Variants in SLC4A7 observed in about 807,000 individuals in gnomAD.
The protein encoded by SLC4A7 is sodium bicarbonate cotransporter 3.
A neutral mutation model predicts 137.6 loss-of-function variants in SLC4A7; 51 were observed. The ratio of observed to expected loss-of-function variants is 0.37; its 90% CI spans 0.30 to 0.47. The LOEUF is 0.47. Ranked by LOEUF, SLC4A7 falls within the 20% of genes least tolerant of loss-of-function variation. The pLI, the probability that SLC4A7 is intolerant of heterozygous loss-of-function variation, is 1.00. For missense variants in SLC4A7, 1,247 were observed against 1,525.4 expected, an observed-to-expected ratio of 0.82 and a Z score of 3.04; for synonymous variants, 542 against 518.6, an observed-to-expected ratio of 1.05 and a Z score of -0.61.
chr3:27,415,446 G>T (rs1320230878), intron 11 of SLC4A7, among the ~76,000 whole-genome samples: 9 of 152,216 alleles, frequency 5.9e-5, no homozygotes, highest in Non-Finnish European at 1.3e-4. Context: ...GCACAAAACA[G>T]TTAGCTAACC....
chr3:27,483,975 C>A, intron 1 of SLC4A7, 92 bp downstream of exon 1: 1 of 1,038,538 alleles, frequency 9.6e-7, no homozygotes. Context: ...ACGAGGTGGC[C>A]GAGCCGCGAC....
chr3:27,441,056 A>G (rs182763844), intron 3 of SLC4A7, among the ~76,000 whole-genome samples: 70 of 152,268 alleles, frequency 4.6e-4, no homozygotes, highest in African/African-American at 1.6e-3. Context: ...AAAAAAATAT[A>G]TAACAAAAAA....
intron 11 of SLC4A7, among the ~76,000 whole-genome samples, chr3:27,414,393 T>C (rs1420624318): frequency 6.6e-6 from 1 of 152,154 alleles, no homozygotes; most frequent in Non-Finnish European, 1.5e-5. Context: ...CTAATAAGCC[T>C]ACTGTTGACT....
At chr3:27,452,570 A>C (rs1330596129) in intron 1 of SLC4A7, 72 bp from the exon 2 acceptor site, 1 of 878,926 alleles carries the variant, frequency 1.1e-6, no homozygotes, top group Non-Finnish European at 1.7e-6. Flanking sequence ...CATCCTTTGA[A>C]ATGGCAACAA....
chr3:27,414,046 G>C (rs1471286171), intron 11 of SLC4A7, among the ~76,000 whole-genome samples: 1 of 152,098 alleles, frequency 6.6e-6, no homozygotes, highest in South Asian at 2.1e-4. Context: ...TTGGGAGACC[G>C]AGGCAGGTGG....
intron 23 of SLC4A7, among the ~76,000 whole-genome samples, 170 bp from the exon 24 acceptor site, chr3:27,383,420 AAAC>A (rs1350060900): frequency 7.9e-5 from 12 of 152,376 alleles, no homozygotes; most frequent in Middle Eastern, 3.4e-3. Context: ...CATAAAATAA[AAAC>A]AACCACTTGT....
chr3:27,437,959 G>C (rs1479258577), intron 3 of SLC4A7, among the ~76,000 whole-genome samples: 1 of 152,220 alleles, frequency 6.6e-6, no homozygotes, highest in Non-Finnish European at 1.5e-5. Context: ...CACTTTGAGA[G>C]GCAGAGGCAA....
chr3:27,389,455 G>A (rs1448132958), intron 22 of SLC4A7, among the ~76,000 whole-genome samples: 1 of 152,012 alleles, frequency 6.6e-6, no homozygotes, highest in Non-Finnish European at 1.5e-5. Flanking sequence ...ATTTACAGAA[G>A]AATGTACATT....
At chr3:27,397,842 TGTTCTTTCTAAA>T (rs1405389050) in intron 17 of SLC4A7, 45 bp from the exon 18 acceptor site, 5 of 1,093,392 alleles carry the variant, frequency 4.6e-6, no homozygotes, top group Admixed American at 2.2e-5. Context: ...AAATACTATG[TGTTCTTTCTAAA>T]TAATTCACAT....
chr3:27,384,236 T>C (rs768431186), intron 23 of SLC4A7, among the ~76,000 whole-genome samples: 4 of 152,076 alleles, frequency 2.6e-5, no homozygotes, highest in Non-Finnish European at 4.4e-5. Context: ...ACAAACTCAG[T>C]AGGATCATGA....
intron 12 of SLC4A7, 72 bp downstream of exon 12, chr3:27,411,570 G>T: frequency 1.2e-6 from 1 of 801,506 alleles, no homozygotes; most frequent in South Asian, 3.9e-5. Flanking sequence ...CAAACACTTG[G>T]AAAAAATATA....
At chr3:27,415,390 A>C (rs2054285451) in intron 11 of SLC4A7, among the ~76,000 whole-genome samples, 1 of 152,216 alleles carries the variant, frequency 6.6e-6, no homozygotes, top group African/African-American at 2.4e-5. Flanking sequence ...CAGCATTAGC[A>C]GCTTTATAGA....
chr3:27,417,275 G>GA (rs1421411367), intron 11 of SLC4A7, among the ~76,000 whole-genome samples: 10 of 151,998 alleles, frequency 6.6e-5, no homozygotes, highest in African/African-American at 2.4e-4. Context: ...CAGGAACTTA[G>GA]AAAAAAGATG....
chr3:27,438,963 T>C (rs768183880), intron 3 of SLC4A7, among the ~76,000 whole-genome samples: 5 of 152,186 alleles, frequency 3.3e-5, no homozygotes, highest in Admixed American at 2.6e-4. Flanking sequence ...TTGTGTAGTA[T>C]AGGAACCCGA....
chr3:27,420,193 A>G (rs1447953826), intron 10 of SLC4A7, among the ~76,000 whole-genome samples: 3 of 151,972 alleles, frequency 2.0e-5, no homozygotes, highest in Non-Finnish European at 4.4e-5. Flanking sequence ...AAGAAAAAGA[A>G]AAAGAAAAAT....
At chr3:27,457,656 C>T (rs186722659) in intron 1 of SLC4A7, among the ~76,000 whole-genome samples, 1 of 152,258 alleles carries the variant, frequency 6.6e-6, no homozygotes, top group Admixed American at 6.5e-5. Context: ...CTACTATGCA[C>T]TTTGAATGGA....
intron 3 of SLC4A7, among the ~76,000 whole-genome samples, chr3:27,439,231 TAAG>T (rs2057001268): frequency 6.6e-6 from 1 of 151,972 alleles, no homozygotes; most frequent in African/African-American, 2.4e-5. Flanking sequence ...AAACAACAGA[TAAG>T]AAGGAAGAAA....
chr3:27,399,580 G>A (rs188123697), intron 16 of SLC4A7, among the ~76,000 whole-genome samples: 2 of 152,116 alleles, frequency 1.3e-5, no homozygotes, highest in Non-Finnish European at 2.9e-5. Context: ...CTACAGGCGC[G>A]AGTCACCATA....
At chr3:27,445,092 T>C (rs917132189) in intron 3 of SLC4A7, among the ~76,000 whole-genome samples, 5 of 152,216 alleles carry the variant, frequency 3.3e-5, no homozygotes, top group Non-Finnish European at 5.9e-5. Context: ...CTTTCCATTG[T>C]GGCTGAAGGG....
Sources: gnomAD v4.1 joint callset for allele counts (sites outside exome capture counted in the v4.1 genomes callset) on GRCh38, gnomAD v4.1.1 for gene constraint, MANE v1.5 for transcripts, NCBI Gene and HGNC (gene_info 2026-07-23, HGNC 2026-07-21) for gene names.